Variants in FRAS1 observed in about 807,000 individuals in gnomAD.
FRAS1 encodes Fraser extracellular matrix complex subunit 1, also known as extracellular matrix organizing protein FRAS1.
A neutral mutation model predicts 435.2 loss-of-function variants in FRAS1; 290 were observed. The ratio of observed to expected loss-of-function variants is 0.67; its 90% confidence interval spans 0.61 to 0.73. The LOEUF is 0.73. Among genes scored for constraint, FRAS1 ranks in the 30% least tolerant of loss-of-function variants. The pLI is 0.00. For missense variants in FRAS1, 4,860 were observed against 5,001.5 expected (o/e 0.97, Z 0.85); for synonymous variants, 1,800 against 1,851.0 (o/e 0.97, Z 0.71).
At chr4:78,333,528 TC>T in intron 19 of FRAS1, 116 bp downstream of exon 19, 1 of 1,119,600 alleles carries the variant, frequency 8.9e-7, no homozygotes, top group East Asian at 2.9e-5. Context: ...CAGCTGTAAA[TC>T]CTTGTCTTGA....
At chr4:78,474,369 TCAC>T (rs1719800677) in intron 53 of FRAS1, among the ~76,000 whole-genome samples, 1 of 152,202 alleles carries the variant, frequency 6.6e-6, no homozygotes, top group African/African-American at 2.4e-5. Flanking sequence ...TTTCAGAGAC[TCAC>T]TATCCAAGAA....
In FRAS1 at chr4:78,237,616, A is replaced by G; in HGVS notation, c.215A>G (p.Lys72Arg). 6.3e-7 allele frequency: 1 copy of G among 1,576,352 alleles called. No homozygotes were observed. The highest frequency in any genetic ancestry group is 1.1e-5 in the South Asian group (1 of 88,048). ...AGAAACCCTCAATGTGCCTTTGAGA[A>G]GGTACGGTATCCTAATTGTGTCCTA... ...VCRNPQCAFE[K>R]GEVLQIAANQ... The change falls in exon 3 of 74, where the codon AAG becomes AGG. Residue 72 changes from lysine to arginine, a missense_variant and splice_region_variant. By Grantham distance (26) the Lys-to-Arg change is conservative (BLOSUM62 2). Coordinates refer to ENST00000512123, the MANE Select transcript of FRAS1 (RefSeq NM_025074.7).
At chr4:78,235,822 G>T (rs1452675639) in intron 2 of FRAS1, among the ~76,000 whole-genome samples, 1 of 152,190 alleles carries the variant, frequency 6.6e-6, no homozygotes, top group Non-Finnish European at 1.5e-5. Flanking sequence ...GGTGGTGCAT[G>T]CCAGTAGTCC....
rs745741961 is a variant in FRAS1, at chr4:78,508,982, A to C, written c.9756A>C (p.Thr3252=). 2 of 1,613,828 alleles carry C rather than the reference A, an allele frequency of 1.2e-6. No individual in the cohort carries two copies. Among genetic ancestry groups the C allele is most frequent in the Non-Finnish European group, 1.7e-6 (2 of 1,179,850 alleles). The stretch of plus-strand genomic sequence containing the variant: ...CCTTTGAAACCATCACTGACAACAC[A>C]CCATTCACCAGTGTCAACCACATGG... The part of the protein sequence containing the change: ...RSPFETITDN[T]PFTSVNHMVL... The change falls in exon 63 of 74, where the codon ACA becomes ACC. Residue 3252 remains threonine (T), a synonymous_variant. Transcript: ENST00000512123.
At chr4:78,474,713 G>A (rs868538555) in intron 53 of FRAS1, among the ~76,000 whole-genome samples, 16 of 152,252 alleles carry the variant, frequency 1.1e-4, no homozygotes, top group Non-Finnish European at 1.8e-4. Flanking sequence ...TGTCCTCACA[G>A]CAACAAGACA....
chr4:78,482,891 A>C (rs2109860371), intron 58 of FRAS1, among the ~76,000 whole-genome samples: 1 of 152,342 alleles, frequency 6.6e-6, no homozygotes, highest in South Asian at 2.1e-4. Flanking sequence ...GAGGGAACTG[A>C]ACAGGAACTA....
chr4:78,079,797 G>A (rs1198612191), intron 2 of FRAS1, among the ~76,000 whole-genome samples: 1 of 152,074 alleles, frequency 6.6e-6, no homozygotes, highest in African/African-American at 2.4e-5. Context: ...ATCATACCCC[G>A]AGGTAAAATC....
intron 4 of FRAS1, among the ~76,000 whole-genome samples, chr4:78,247,617 G>C (rs2110126931): frequency 6.6e-6 from 1 of 152,232 alleles, no homozygotes; most frequent in South Asian, 2.1e-4. Flanking sequence ...TGTCTGGTCT[G>C]GTCTGGGTCT....
intron 2 of FRAS1, among the ~76,000 whole-genome samples, chr4:78,141,246 C>T (rs1720170079): frequency 6.6e-6 from 1 of 152,108 alleles, no homozygotes; most frequent in Non-Finnish European, 1.5e-5. Context: ...CTCCCTGTGT[C>T]CATGTGTTCT....
Position 78,451,757 on chromosome 4 carries a change from T to C in FRAS1, c.6464-15T>C, listed in dbSNP as rs1719028447. ...AGCACTAATAGCAAATCTTGATTTT[T>C]TTTCCTTTTTATAGGCCACGTAGAA... is the stretch of plus-strand genomic sequence containing the variant. On this transcript the variant is annotated splice_polypyrimidine_tract_variant and intron_variant, in intron 45 of 73. Coordinates refer to ENST00000512123, the MANE Select transcript of FRAS1 (RefSeq NM_025074.7). 6.3e-7 allele frequency: 1 copy of C among 1,575,794 alleles called. No individual in the cohort carries two copies. Among genetic ancestry groups the C allele is most frequent in the Non-Finnish European group, 8.6e-7 (1 of 1,165,084 alleles).
Position 78,491,918 on chromosome 4 carries a change from C to T in FRAS1, c.8958+2838C>T, listed in dbSNP as rs1033613884. On this transcript the variant is annotated intron_variant, in intron 59 of 73. Transcript: ENST00000512123. ...TTTAGAAAACCCCATTGTCTCAGCC[C>T]CAAATCTCCTTAAGCTGATAAGGAA... is the stretch of plus-strand genomic sequence containing the variant. Among the ~76,000 whole-genome samples the T allele has an allele frequency of 2.1e-4, 32 of 152,132 alleles. 1 individual carries two copies. The highest frequency in any genetic ancestry group is 7.3e-5 in the Non-Finnish European group (5 of 68,030).
At chr4:78,122,909 T>C (rs1719111513) in intron 2 of FRAS1, among the ~76,000 whole-genome samples, 1 of 152,264 alleles carries the variant, frequency 6.6e-6, no homozygotes, top group Non-Finnish European at 1.5e-5. Context: ...GCAAAAATTT[T>C]CTTCCATTCT....
At chr4:78,074,592 G>T (rs1243574824) in intron 2 of FRAS1, among the ~76,000 whole-genome samples, 1 of 152,054 alleles carries the variant, frequency 6.6e-6, no homozygotes, top group Non-Finnish European at 1.5e-5. Flanking sequence ...CCTTTTCTGT[G>T]TTGGCAGAGT....
chr4:78,480,769 AG>A (rs569669143), intron 56 of FRAS1, among the ~76,000 whole-genome samples: 2 of 152,192 alleles, frequency 1.3e-5, no homozygotes, highest in Non-Finnish European at 2.9e-5. Flanking sequence ...CTGCTGGCAG[AG>A]GGGCAACAGC....
intron 34 of FRAS1, 70 bp downstream of exon 34, chr4:78,422,070 A>G (rs1219974869): frequency 2.0e-6 from 3 of 1,494,360 alleles, no homozygotes; most frequent in Non-Finnish European, 2.7e-6. Flanking sequence ...GCTCGCCCTA[A>G]CTCTCCCTGC....
rs748979678 is a variant in FRAS1 at position 78,387,534 on chromosome 4, C to T, written c.3808C>T (p.Gln1270Ter). 1 of 1,613,840 alleles carries T rather than the reference C, an allele frequency of 6.2e-7. No homozygotes were observed. The highest frequency in any genetic ancestry group is 1.1e-5 in the South Asian group (1 of 91,064). Residue 1270 changes from glutamine (Q) to a stop codon, truncating the protein, a stop_gained, in exon 29 of 74, where the codon CAG (glutamine) becomes TAG (stop). Transcript: ENST00000512123. LOFTEE classifies it high-confidence loss of function. ...TCATGGCCAATTGCTTCAGACACTT[C>T]AGTCCCCGGCAACCCCTATCTATCA... ...PLHGQLLQTLQSPATPIYQFQ... is the reference protein window; with the variant it reads ...PLHGQLLQTL
At chr4:78,528,013 A>G (rs895219616) in intron 70 of FRAS1, among the ~76,000 whole-genome samples, 2 of 152,234 alleles carry the variant, frequency 1.3e-5, no homozygotes, top group East Asian at 1.9e-4. Context: ...CAGTGAATCA[A>G]TGGAAGCAGG....
At chr4:78,094,088 A>G (rs1045321082) in intron 2 of FRAS1, among the ~76,000 whole-genome samples, 3 of 123,244 alleles carry the variant, frequency 2.4e-5, no homozygotes, top group Admixed American at 8.2e-5. Context: ...AGGTAAAATT[A>G]TTTTTGAATA....
chr4:78,139,465 G>A (rs867702262), intron 2 of FRAS1, among the ~76,000 whole-genome samples: 2 of 152,154 alleles, frequency 1.3e-5, no homozygotes, highest in Non-Finnish European at 1.5e-5. Flanking sequence ...ATTTGCAGGA[G>A]ACCTAAGAAC....
Sources: gnomAD v4.1 joint callset for allele counts (sites outside exome capture counted in the v4.1 genomes callset) on GRCh38, gnomAD v4.1.1 for gene constraint, MANE v1.5 for transcripts, NCBI Gene and HGNC (gene_info 2026-07-23, HGNC 2026-07-21) for gene names.